PICALM: variants seen among roughly 807,000 people sequenced by gnomAD.
The protein encoded by PICALM is phosphatidylinositol binding clathrin assembly protein.
A neutral mutation model predicts 80.5 loss-of-function variants in PICALM; 40 were observed. The ratio of observed to expected loss-of-function variants is 0.50; its 90% CI spans 0.39 to 0.65. The LOEUF (loss-of-function observed/expected upper bound fraction) is 0.65, where lower values mean the gene tolerates loss of function less well. PICALM is among the 30% of genes least tolerant of loss of function. PICALM has a pLI of 0.00. For missense variants in PICALM, 676 were observed against 778.9 expected (o/e 0.87, Z 1.57); for synonymous variants, 288 against 260.3 (o/e 1.11, Z -1.02).
At chr11:86,044,130 T>A (rs1407159246) in intron 1 of PICALM, among the ~76,000 whole-genome samples, 1 of 152,182 alleles carries the variant, frequency 6.6e-6, no homozygotes, top group Non-Finnish European at 1.5e-5. Context: ...TATATACTAA[T>A]GGGAGGAATG....
At chr11:85,967,087 AG>A (rs1289029165) in intron 19 of PICALM, among the ~76,000 whole-genome samples, 2 of 151,738 alleles carry the variant, frequency 1.3e-5, no homozygotes, top group Non-Finnish European at 2.9e-5. Flanking sequence ...GCTGGTTCCA[AG>A]GCTGGTGTTT....
At chr11:86,061,689 A>C (rs1254425684) in intron 1 of PICALM, among the ~76,000 whole-genome samples, 1 of 152,262 alleles carries the variant, frequency 6.6e-6, no homozygotes, top group Non-Finnish European at 1.5e-5. Context: ...AAGACAGTTT[A>C]GAGGTTTCTT....
Position 85,990,272 on chromosome 11 carries a change from T to TG in PICALM, c.1385dup (p.Pro463ThrfsTer4). 1 of 1,602,434 alleles carries TG rather than the reference T, an allele frequency of 6.2e-7. No homozygotes were observed. Among genetic ancestry groups the TG allele is most frequent in the Non-Finnish European group, 8.5e-7 (1 of 1,171,296 alleles). On this transcript the variant is annotated frameshift_variant, in exon 13 of 20. Transcript: ENST00000393346. LOFTEE classifies it high-confidence loss of function. ...TACCAACAAACATTTCATGAGTAGGTGTCCTAGTAGTAAAAGTAGATACAT... is the reference window on the plus strand; with the variant it reads ...TACCAACAAACATTTCATGAGTAGGTGGTCCTAGTAGTAAAAGTAGATACAT...
intron 5 of PICALM, among the ~76,000 whole-genome samples, chr11:86,013,545 G>A (rs2095433551): frequency 6.6e-6 from 1 of 151,998 alleles, no homozygotes; most frequent in Non-Finnish European, 1.5e-5. Context: ...AGAGAATTGA[G>A]TGTAGCACTG....
At chr11:86,035,758 CAT>C (rs1276827735) in intron 1 of PICALM, among the ~76,000 whole-genome samples, 8 of 142,068 alleles carry the variant, frequency 5.6e-5, no homozygotes, top group Admixed American at 5.0e-4. Flanking sequence ...GCCTGGCCAA[CAT>C]GGTGAAACTC....
chr11:86,051,540 A>G (rs959350037), intron 1 of PICALM, among the ~76,000 whole-genome samples: 2 of 152,182 alleles, frequency 1.3e-5, no homozygotes, highest in African/African-American at 4.8e-5. Flanking sequence ...GTGCACTCAC[A>G]GTCCCAGCTA....
At position 86,039,203 on chromosome 11, in the gene PICALM, T is replaced by C. The variant is rs1396267407; in HGVS notation, c.131-7592A>G. Among the ~76,000 whole-genome samples the C allele has an allele frequency of 2.6e-5, 4 of 151,638 alleles. No homozygotes were observed. In the South Asian group the frequency reaches 6.2e-4, roughly 24 times the overall value. On this transcript the variant is annotated intron_variant, in intron 1 of 19. Coordinates refer to ENST00000393346, the MANE Select transcript of PICALM (RefSeq NM_007166.4). ...GTCACTGTGTTCTTAGCAACATGAA[T>C]GGACTAAGATTCCCACACTTAAAAA...
intron 7 of PICALM, among the ~76,000 whole-genome samples, chr11:86,010,139 A>C (rs1413833015): frequency 6.6e-6 from 1 of 152,202 alleles, no homozygotes; most frequent in African/African-American, 2.4e-5. Flanking sequence ...CAAACAAAAA[A>C]ACCCCTTAAG....
intron 12 of PICALM, among the ~76,000 whole-genome samples, chr11:85,992,901 G>C (rs1304440861): frequency 6.6e-6 from 1 of 152,084 alleles, no homozygotes; most frequent in Non-Finnish European, 1.5e-5. Flanking sequence ...TTCATAATTA[G>C]ATCAATCAGA....
intron 19 of PICALM, among the ~76,000 whole-genome samples, chr11:85,970,663 T>C (rs115967382): frequency 0.013 from 1,944 of 152,122 alleles, 46 homozygotes; most frequent in African/African-American, 0.044. Context: ...TAAAAATTAG[T>C]TGGGTGTGGT....
chr11:86,068,255 T>A (rs2509608), intron 1 of PICALM, among the ~76,000 whole-genome samples: 1 of 152,044 alleles, frequency 6.6e-6, no homozygotes, highest in Admixed American at 6.5e-5. Flanking sequence ...CAATGGGGCT[T>A]GGAGACGCTC....
At chr11:85,966,555 C>G (rs79526610) in intron 19 of PICALM, among the ~76,000 whole-genome samples, 254 of 152,272 alleles carry the variant, frequency 1.7e-3, no homozygotes, top group African/African-American at 5.8e-3. Flanking sequence ...CTCAAAGTTA[C>G]ATAGAGAATT....
Position 86,012,369 on chromosome 11 carries a change from A to G in PICALM, c.570T>C (p.Asn190=). The G allele has an allele frequency of 8.1e-6, 13 of 1,607,454 alleles. No homozygotes were observed. The highest frequency in any genetic ancestry group is 1.1e-5 in the South Asian group (1 of 90,670). Residue 190 remains asparagine, a synonymous_variant, in exon 6 of 20, where the codon AAT becomes AAC. Transcript: ENST00000393346. ...GCATGAAGGCAGCATTTATTACCCC[A>G]TTTGTAAGTTCATTGCTATTAACCT... ...DFNVNSNELT[N]GVINAAFMLL...
chr11:86,011,256 A>G, intron 6 of PICALM, 120 bp from the exon 7 acceptor site: 1 of 563,826 alleles, frequency 1.8e-6, no homozygotes, highest in Non-Finnish European at 3.1e-6. Context: ...ACCCTACTAG[A>G]AAAATATCAG....
At chr11:86,050,204 CA>C (rs766728047) in intron 1 of PICALM, among the ~76,000 whole-genome samples, 15,948 of 81,556 alleles carry the variant, frequency 0.2, 869 homozygotes, top group Middle Eastern at 0.27. Flanking sequence ...GACTCTGTCT[CA>C]AAAAAAAAAA....
chr11:85,978,101 T>TC (rs779396750), intron 17 of PICALM: 2 of 1,611,462 alleles, frequency 1.2e-6, no homozygotes, highest in Non-Finnish European at 1.7e-6. Flanking sequence ...ATTCTGTTTT[T>TC]CCCAGGGAGA....
At chr11:85,992,538 G>C (rs1025407338) in intron 12 of PICALM, among the ~76,000 whole-genome samples, 21 of 152,080 alleles carry the variant, frequency 1.4e-4, no homozygotes, top group Admixed American at 5.2e-4. Flanking sequence ...CACCCGCCTT[G>C]GCCTCCCCAA....
chr11:85,974,665 C>G (rs541451850), intron 19 of PICALM, 43 bp downstream of exon 19: 12 of 1,276,432 alleles, frequency 9.4e-6, no homozygotes, highest in Non-Finnish European at 1.4e-5. Context: ...CATATTCCTT[C>G]CAAATCAAAC....
At chr11:85,981,004 T>C (rs1275505525) in intron 17 of PICALM, 125 bp downstream of exon 17, 4 of 572,010 alleles carry the variant, frequency 7.0e-6, no homozygotes, top group Non-Finnish European at 1.3e-5. Context: ...AGAAATACAA[T>C]TACTTATACT....
Sources: gnomAD v4.1 joint callset for allele counts (sites outside exome capture counted in the v4.1 genomes callset) on GRCh38, gnomAD v4.1.1 for gene constraint, MANE v1.5 for transcripts, NCBI Gene and HGNC (gene_info 2026-07-23, HGNC 2026-07-21) for gene names.